Variants in SEPTIN9 observed in about 807,000 individuals in gnomAD.
The protein encoded by SEPTIN9 is septin 9.
Under a neutral mutation model 56.6 loss-of-function variants are expected in SEPTIN9, and 13 were observed. That is an observed-to-expected ratio of 0.23 (90% CI 0.15 to 0.37). The LOEUF (loss-of-function observed/expected upper bound fraction) is 0.37, where lower values mean the gene tolerates loss of function less well. SEPTIN9 is among the 10% of genes least tolerant of loss of function. The pLI is 1.00. For synonymous variants in SEPTIN9, 332 were observed against 334.1 expected (o/e 0.99, Z 0.07); for missense variants, 650 against 823.1 (o/e 0.79, Z 2.57).
intron 2 of SEPTIN9, among the ~76,000 whole-genome samples, chr17:77,397,948 C>T (rs1217027584): frequency 2.0e-5 from 3 of 151,872 alleles, no homozygotes; most frequent in Non-Finnish European, 4.4e-5. Flanking sequence ...AGGCATGAGC[C>T]ACCACGCCTG....
intron 2 of SEPTIN9, among the ~76,000 whole-genome samples, chr17:77,399,666 GGTAAGCCCATCTCATTAC>G (rs934683344): frequency 1.4e-4 from 21 of 152,068 alleles, no homozygotes; most frequent in African/African-American, 4.8e-4. Flanking sequence ...TGATGAGCTT[GGTAAGCCCATCTCATTAC>G]ATTCAGTTCT....
chr17:77,378,683 G>A (rs979197856), intron 2 of SEPTIN9, among the ~76,000 whole-genome samples: 4 of 152,190 alleles, frequency 2.6e-5, no homozygotes, highest in Middle Eastern at 3.2e-3. Flanking sequence ...AGTAGCGCCC[G>A]CCTGGGGGTC....
At chr17:77,308,854 G>A (rs1389046949) in intron 2 of SEPTIN9, among the ~76,000 whole-genome samples, 4 of 152,198 alleles carry the variant, frequency 2.6e-5, no homozygotes, top group East Asian at 1.9e-4. Context: ...AGGGGATGCC[G>A]TGTCCACATT....
At chr17:77,441,707 T>C (rs2037554158) in intron 3 of SEPTIN9, among the ~76,000 whole-genome samples, 1 of 152,230 alleles carries the variant, frequency 6.6e-6, no homozygotes, top group Admixed American at 6.5e-5. Flanking sequence ...TCTTTCCGTT[T>C]TTAAAAATGT....
At position 77,436,562 on chromosome 17, in the gene SEPTIN9, C is replaced by T. The variant is rs1203313394; in HGVS notation, c.721+33859C>T. Reference sequence around the variant, plus strand: ...CCTTTGCCATGGGCCCCCTCCTCCACGCAGACCCTCAGCCTGGAATGATCA... The same window carrying T: ...CCTTTGCCATGGGCCCCCTCCTCCATGCAGACCCTCAGCCTGGAATGATCA... On this transcript the variant is annotated intron_variant, in intron 3 of 11. Transcript: ENST00000427177. The surrounding 1 kb of genome is among the most constrained non-coding windows in gnomAD (Gnocchi z 4.4). 2.0e-5 allele frequency among the ~76,000 whole-genome samples: 3 copies of T among 152,248 alleles called. No individual in the cohort carries two copies. The highest frequency in any genetic ancestry group is 7.2e-5 in the African/African-American group (3 of 41,458).
rs1313286737 is a variant in SEPTIN9, at chr17:77,429,626, GGA to G, written c.721+26925_721+26926del. Among the ~76,000 whole-genome samples the G allele has an allele frequency of 6.6e-6, 1 of 152,178 alleles. No homozygotes were observed. The highest frequency in any genetic ancestry group is 1.5e-5 in the Non-Finnish European group (1 of 68,028). On this transcript the variant is annotated intron_variant, in intron 3 of 11. Coordinates refer to ENST00000427177, the MANE Select transcript of SEPTIN9 (RefSeq NM_001113491.2). The surrounding 1 kb of genome is among the most constrained non-coding windows in gnomAD (Gnocchi z 5.2). ...GAAGAAGGGCTTAGGGTGCTGGTGT[GGA>G]GTTTGCACAGATGGGGATAATGAGC...
At chr17:77,384,215 G>A (rs1458447679) in intron 2 of SEPTIN9, among the ~76,000 whole-genome samples, 1 of 152,154 alleles carries the variant, frequency 6.6e-6, no homozygotes, top group Non-Finnish European at 1.5e-5. Flanking sequence ...TATTAAACTG[G>A]CTTTTTTCAT....
intron 3 of SEPTIN9, among the ~76,000 whole-genome samples, chr17:77,463,718 CTG>C: frequency 6.6e-6 from 1 of 152,152 alleles, no homozygotes; most frequent in African/African-American, 2.4e-5. Flanking sequence ...TGGTAGGCAC[CTG>C]TAATCCCAGC....
Position 77,493,074 on chromosome 17 carries a change from A to G in SEPTIN9, c.1571A>G (p.Glu524Gly), listed in dbSNP as rs2040104028. 1 of 1,555,138 alleles carries G rather than the reference A, an allele frequency of 6.4e-7. No individual in the cohort carries two copies. Among genetic ancestry groups the G allele is most frequent in the Non-Finnish European group, 8.7e-7 (1 of 1,149,416 alleles). ...LGRKTKWGTI[E>G]VENTTHCEFA... ...AGGAAGACCAAGTGGGGTACCATCG[A>G]AGGTACTCGCCGCAGGCGCCGGGGC... Residue 524 changes from glutamate (E) to glycine (G), a missense_variant and splice_region_variant, in exon 10 of 12, where the codon GAA becomes GGA. Around this residue, in one of 2 missense-constraint regions of SEPTIN9, gnomAD observed 333 missense variants for 494.0 expected, o/e 0.67. Coordinates refer to ENST00000427177, the MANE Select transcript of SEPTIN9 (RefSeq NM_001113491.2).
At chr17:77,378,029 G>A (rs914169924) in intron 2 of SEPTIN9, among the ~76,000 whole-genome samples, 1 of 152,156 alleles carries the variant, frequency 6.6e-6, no homozygotes, top group South Asian at 2.1e-4. Context: ...CTACGAGTTG[G>A]TTCATTTAGA....
At chr17:77,372,208 G>C (rs1294206019) in intron 2 of SEPTIN9, among the ~76,000 whole-genome samples, 1 of 152,232 alleles carries the variant, frequency 6.6e-6, no homozygotes, top group Admixed American at 6.5e-5. Flanking sequence ...TAAGGGACGG[G>C]GTGACAGGGA....
intron 2 of SEPTIN9, among the ~76,000 whole-genome samples, chr17:77,398,455 G>A (rs776363031): frequency 1.2e-4 from 19 of 152,122 alleles, no homozygotes; most frequent in East Asian, 3.9e-4. Context: ...CCAGCTCCCC[G>A]GGAAGGGGGC....
chr17:77,494,259 G>A (rs2040160548), intron 10 of SEPTIN9, among the ~76,000 whole-genome samples: 1 of 152,226 alleles, frequency 6.6e-6, no homozygotes, highest in Non-Finnish European at 1.5e-5. Flanking sequence ...GGAGCCCCTG[G>A]GGGGCCACAG....
At chr17:77,339,639 A>G (rs2033662925) in intron 2 of SEPTIN9, among the ~76,000 whole-genome samples, 1 of 151,502 alleles carries the variant, frequency 6.6e-6, no homozygotes, top group South Asian at 2.1e-4. Context: ...CCTCCTGAGT[A>G]GTTGGGATTA....
intron 3 of SEPTIN9, among the ~76,000 whole-genome samples, chr17:77,447,485 C>T (rs1300619744): frequency 6.6e-6 from 1 of 152,252 alleles, no homozygotes; most frequent in African/African-American, 2.4e-5. Flanking sequence ...GGCGGGCTGC[C>T]TTTGAGTCCT....
chr17:77,403,707 G>A (rs953278929), intron 3 of SEPTIN9, among the ~76,000 whole-genome samples: 2 of 152,214 alleles, frequency 1.3e-5, no homozygotes, highest in Non-Finnish European at 2.9e-5. Context: ...GCCTTCTTTA[G>A]GTTGGACAAA....
intron 3 of SEPTIN9, among the ~76,000 whole-genome samples, chr17:77,473,433 A>G (rs1480499317): frequency 2.0e-5 from 3 of 152,086 alleles, no homozygotes; most frequent in African/African-American, 7.2e-5. Context: ...GGGTCTCGCT[A>G]CGTTGCCCAG....
chr17:77,432,941 T>C (rs1347359788), intron 3 of SEPTIN9, among the ~76,000 whole-genome samples: 1 of 152,116 alleles, frequency 6.6e-6, no homozygotes, highest in Non-Finnish European at 1.5e-5. Context: ...CAGGGGACAG[T>C]TCAGGGCTGG....
chr17:77,314,709 C>A (rs1315046474), intron 2 of SEPTIN9, among the ~76,000 whole-genome samples: 1 of 152,210 alleles, frequency 6.6e-6, no homozygotes, highest in Admixed American at 6.5e-5. Flanking sequence ...GGGGCCGATC[C>A]TACGAAGACC....
Sources: gnomAD v4.1 joint callset for allele counts (sites outside exome capture counted in the v4.1 genomes callset) on GRCh38, gnomAD v4.1.1 for gene constraint, gnomAD v4.1.1 regional missense constraint, Gnocchi (gnomAD v3.1) non-coding constraint, MANE v1.5 for transcripts, NCBI Gene and HGNC (gene_info 2026-07-23, HGNC 2026-07-21) for gene names.